Variants in SPTBN4 observed in about 807,000 individuals in gnomAD.
SPTBN4 encodes the protein spectrin beta chain, non-erythrocytic 4.
A neutral mutation model predicts 277.8 loss-of-function variants in SPTBN4; 96 were observed. That is an observed-to-expected ratio of 0.35 (90% CI 0.29 to 0.41). The LOEUF (loss-of-function observed/expected upper bound fraction) is 0.41, where lower values mean the gene tolerates loss of function less well. SPTBN4 is among the 10% of genes least tolerant of loss of function. The pLI, the probability that SPTBN4 is intolerant of heterozygous loss-of-function variation, is 1.00. For synonymous variants in SPTBN4, 1,481 were observed against 1,580.3 expected, an observed-to-expected ratio of 0.94 and a Z score of 1.49; for missense variants, 3,006 against 3,595.7, an observed-to-expected ratio of 0.84 and a Z score of 4.19.
chr19:40,573,917 C>T (rs559302589), intron 35 of SPTBN4, among the ~76,000 whole-genome samples: 10 of 151,894 alleles, frequency 6.6e-5, no homozygotes, highest in South Asian at 2.1e-4. Flanking sequence ...CTGGCTGACA[C>T]GGTGAAACCC....
chr19:40,485,710 G>T (rs1432998322), intron 2 of SPTBN4, among the ~76,000 whole-genome samples: 1 of 152,030 alleles, frequency 6.6e-6, no homozygotes, highest in South Asian at 2.1e-4. Flanking sequence ...TACTCAGGAG[G>T]TGGGAGGACT....
Position 40,566,364 on chromosome 19 carries a change from G to T in SPTBN4, c.6336+5G>T. On this transcript the variant is annotated splice_donor_5th_base_variant and intron_variant, in intron 30 of 35. Transcript: ENST00000598249. Reference sequence around the variant, plus strand: ...TCTCTGCGGCGCCTGACCACGGTCAGCTCCCCAGATACTGCCCCATTACCC... The same window carrying T: ...TCTCTGCGGCGCCTGACCACGGTCATCTCCCCAGATACTGCCCCATTACCC... The T allele has an allele frequency of 6.5e-7, 1 of 1,529,922 alleles. No individual in the cohort carries two copies. The highest frequency in any genetic ancestry group is 8.8e-7 in the Non-Finnish European group (1 of 1,136,670). 94.8% of individuals were successfully genotyped at this position (1,529,922 alleles called of 1,614,324 possible).
intron 2 of SPTBN4, among the ~76,000 whole-genome samples, chr19:40,474,412 G>A (rs892333922): frequency 2.0e-5 from 3 of 150,826 alleles, no homozygotes; most frequent in Admixed American, 1.3e-4. Flanking sequence ...GGGCCAACCA[G>A]TACAGTGGGT....
intron 32 of SPTBN4, 53 bp from the exon 33 acceptor site, chr19:40,570,383 A>T: frequency 7.5e-6 from 9 of 1,207,886 alleles, no homozygotes; most frequent in Non-Finnish European, 9.0e-6. Flanking sequence ...CAAACAGATG[A>T]CCCCCACACC....
In SPTBN4 at chr19:40,512,680, G is replaced by T; in HGVS notation, c.1891G>T (p.Glu631Ter). Residue 631 changes from glutamate (E) to a stop codon, truncating the protein, a stop_gained, in exon 14 of 36, where the codon GAG becomes TAG. Coordinates refer to ENST00000598249, the MANE Select transcript of SPTBN4 (RefSeq NM_020971.3). LOFTEE classifies it high-confidence loss of function. Reference protein sequence around the residue: ...HVHGCLAELQEQAARRRAELE... With the variant: ...HVHGCLAELQ ...GCACGGCTGCCTGGCGGAGCTGCAG[G>T]AGCAGGCAGCGCGGCGACGCGCGGA... 1 of 1,532,284 alleles carries T rather than the reference G, an allele frequency of 6.5e-7. No individual in the cohort carries two copies. The highest frequency in any genetic ancestry group is 8.7e-7 in the Non-Finnish European group (1 of 1,146,338). 94.9% of individuals were successfully genotyped at this position (1,532,284 alleles called of 1,614,324 possible).
chr19:40,566,304 G>A lies in SPTBN4; in HGVS notation c.6281G>A (p.Arg2094His), dbSNP rs758785674. The change falls in exon 30 of 36, where the codon CGC (arginine) becomes CAC (histidine). Residue 2094 changes from arginine (R) to histidine (H), a missense_variant. Physicochemically the swap from Arg to His is conservative, Grantham distance 29. Coordinates refer to ENST00000598249, the MANE Select transcript of SPTBN4 (RefSeq NM_020971.3). ...CTTATCCGGCGACATGAGGCCTTCC[G>A]CAAAGCGGCTGCAGCCTGGGAAGAG... ...EQLIRRHEAF[R>H]KAAAAWEERF... 3.1e-6 allele frequency: 5 copies of A among 1,594,214 alleles called. No homozygotes were observed. Among genetic ancestry groups the A allele is most frequent in the Middle Eastern group, 1.7e-4 (1 of 5,882 alleles).
intron 2 of SPTBN4, among the ~76,000 whole-genome samples, chr19:40,485,978 TA>T (rs35587768): frequency 2.0e-3 from 254 of 129,274 alleles, no homozygotes; most frequent in Middle Eastern, 3.9e-3. Context: ...AGGATGGCCA[TA>T]AAAAAAAAAA....
At position 40,534,334 on chromosome 19, in the gene SPTBN4, G is replaced by C; in HGVS notation, c.4350G>C (p.Lys1450Asn). The C allele has an allele frequency of 1.2e-6, 2 of 1,613,372 alleles. No homozygotes were observed. Among genetic ancestry groups the C allele is most frequent in the Non-Finnish European group, 1.7e-6 (2 of 1,179,954 alleles). ...GDLATVNSQL[K>N]KLQSMESQVE... ...TGGCCACTGTCAACAGTCAGCTCAA[G>C]AAGCTGCAGGTATGGTCTTCCTGGC... Residue 1450 changes from lysine (K) to asparagine (N), a missense_variant, in exon 20 of 36, where the codon AAG becomes AAC. Lys to Asn is a moderately conservative substitution (Grantham distance 94, BLOSUM62 0). Coordinates refer to ENST00000598249, the MANE Select transcript of SPTBN4 (RefSeq NM_020971.3).
chr19:40,551,916 C>T (rs141742123), intron 22 of SPTBN4, among the ~76,000 whole-genome samples: 1 of 151,768 alleles, frequency 6.6e-6, no homozygotes, highest in African/African-American at 2.4e-5. Context: ...ATTGCTTGAA[C>T]CCAGGAGGCA....
At chr19:40,524,314 G>T (rs2080564120) in intron 17 of SPTBN4, among the ~76,000 whole-genome samples, 1 of 151,322 alleles carries the variant, frequency 6.6e-6, no homozygotes, top group African/African-American at 2.4e-5. Context: ...AGACCAGCCT[G>T]GGCAACATAG....
intron 17 of SPTBN4, among the ~76,000 whole-genome samples, 186 bp from the exon 18 acceptor site, chr19:40,528,855 T>C (rs767620242): frequency 2.0e-4 from 30 of 151,872 alleles, no homozygotes; most frequent in Non-Finnish European, 3.7e-4. Flanking sequence ...TCTGTCTGTC[T>C]CTCTCTCTGC....
Position 40,504,148 on chromosome 19 carries a change from C to CCCCCCCCCA in SPTBN4, c.1665+16_1665+17insCCCCCCCCA. On this transcript the variant is annotated intron_variant, in intron 12 of 35. Transcript: ENST00000598249. ...GGAGATGCAGGTGCCGGCGGGGGGG[C>CCCCCCCCCA]GGGGATGCGGGTGGAGTGCCAGGAG... 1.1e-5 allele frequency: 7 copies of CCCCCCCCCA among 645,724 alleles called. No homozygotes were observed. Among genetic ancestry groups the CCCCCCCCCA allele is most frequent in the Non-Finnish European group, 1.5e-5 (7 of 471,350 alleles). The allele number at this position is 645,724 out of a possible 1,614,324, so 40.0% of individuals were successfully genotyped here. A position where few individuals can be genotyped will look rare whatever the true frequency, so the allele number is the denominator to read the frequency against.
chr19:40,557,429 A>G (rs1368052000), intron 26 of SPTBN4, 26 bp downstream of exon 26: 1 of 1,535,380 alleles, frequency 6.5e-7, no homozygotes, highest in Non-Finnish European at 8.8e-7. Flanking sequence ...CCATCAGGGC[A>G]GGTGGGAGGG....
At chr19:40,530,588 C>G (rs1020918714) in intron 18 of SPTBN4, 1 of 980,748 alleles carries the variant, frequency 1.0e-6, no homozygotes, top group African/African-American at 1.8e-5. Context: ...ACTGCCGCTT[C>G]AGGTCTCGGG....
chr19:40,482,905 G>A (rs940315860), intron 2 of SPTBN4, among the ~76,000 whole-genome samples: 2 of 152,082 alleles, frequency 1.3e-5, no homozygotes, highest in African/African-American at 4.8e-5. Context: ...AGGTTGCAAT[G>A]AGCCAAGATT....
chr19:40,476,180 A>G (rs927211720), intron 2 of SPTBN4, among the ~76,000 whole-genome samples: 4 of 151,988 alleles, frequency 2.6e-5, no homozygotes. Flanking sequence ...CCCTGTCTCT[A>G]TTAAAAATAC....
Position 40,503,934 on chromosome 19 carries a change from G to T in SPTBN4, c.1467G>T (p.Ala489=). Residue 489 remains alanine, a synonymous_variant, in exon 12 of 36, where the codon GCG becomes GCT. Transcript: ENST00000598249. The part of the protein sequence containing the change: ...AAYEERVQGV[A]ELAQALAAEG... ...ACGAGGAGCGGGTGCAGGGTGTGGC[G>T]GAGCTGGCCCAGGCATTGGCAGCCG... The T allele has an allele frequency of 6.2e-7, 1 of 1,613,976 alleles. No individual in the cohort carries two copies. Among genetic ancestry groups the T allele is most frequent in the Non-Finnish European group, 8.5e-7 (1 of 1,179,964 alleles).
rs1305678851 is a variant in SPTBN4, at chr19:40,472,327, G to C, written c.-15-280G>C. Among the ~76,000 whole-genome samples the C allele has an allele frequency of 2.0e-5, 3 of 151,902 alleles. No individual in the cohort carries two copies. In the East Asian group the frequency reaches 5.8e-4, roughly 29 times the overall value. On this transcript the variant is annotated intron_variant, in intron 1 of 35. Coordinates refer to ENST00000598249, the MANE Select transcript of SPTBN4 (RefSeq NM_020971.3). ...CTCAAAGTGTTGGGATTATAGGCCT[G>C]AGCCACTGCGCCTGGCTTATTTTTA... is the stretch of plus-strand genomic sequence containing the variant.
At position 40,515,942 on chromosome 19, in the gene SPTBN4, CGTATATAT is replaced by C. The variant is rs879561294; in HGVS notation, c.2903+495_2903+502del. 0.27 allele frequency among the ~76,000 whole-genome samples: 32,572 copies of C among 119,896 alleles called. 5,558 individuals carry two copies. The highest frequency in any genetic ancestry group is 0.31 in the African/African-American group (8,922 of 28,928). 78.7% of individuals were successfully genotyped at this position (119,896 alleles called of 152,430 possible). On this transcript the variant is annotated intron_variant, in intron 15 of 35. Coordinates refer to ENST00000598249, the MANE Select transcript of SPTBN4 (RefSeq NM_020971.3). The surrounding 1 kb of genome is among the most constrained non-coding windows in gnomAD (Gnocchi z 4.1). Reference sequence around the variant, plus strand: ...ACACATATATATACACACATATATACGTATATATACACATATATACGTATATATACACA... The same window carrying C: ...ACACATATATATACACACATATATACACACATATATACGTATATATACACA...
Sources: gnomAD v4.1 joint callset for allele counts (sites outside exome capture counted in the v4.1 genomes callset) on GRCh38, gnomAD v4.1.1 for gene constraint, Gnocchi (gnomAD v3.1) non-coding constraint, MANE v1.5 for transcripts, NCBI Gene and HGNC (gene_info 2026-07-23, HGNC 2026-07-21) for gene names.